The following CNTNAP2 variants were observed in gnomAD, a reference collection of about 807,000 sequenced individuals.
CNTNAP2 encodes the protein contactin-associated protein-like 2.
Under a neutral mutation model 155.2 loss-of-function variants are expected in CNTNAP2, and 98 were observed. The ratio of observed to expected loss-of-function variants is 0.63; its 90% CI spans 0.54 to 0.75. CNTNAP2 has a LOEUF of 0.75. Ranked by LOEUF, CNTNAP2 falls within the 30% of genes least tolerant of loss-of-function variation. The probability of loss-of-function intolerance (pLI) is 0.00; values close to 1 mark genes in which losing one functional copy is unlikely to be tolerated. For missense variants in CNTNAP2, 1,727 were observed against 1,688.1 expected (o/e 1.02, Z -0.40); for synonymous variants, 651 against 631.2 (o/e 1.03, Z -0.47).
intron 3 of CNTNAP2, among the ~76,000 whole-genome samples, chr7:146,937,027 C>A (rs1796930173): frequency 6.6e-6 from 1 of 152,170 alleles, no homozygotes; most frequent in South Asian, 2.1e-4. Context: ...ATAAAAGCTT[C>A]ATTTAATTTA....
intron 1 of CNTNAP2, among the ~76,000 whole-genome samples, chr7:146,740,167 T>G (rs1333318804): frequency 1.3e-5 from 2 of 152,028 alleles, no homozygotes; most frequent in Non-Finnish European, 2.9e-5. Context: ...TCTTCTGACT[T>G]TATATTTTCA....
intron 8 of CNTNAP2, among the ~76,000 whole-genome samples, chr7:147,275,684 G>T (rs1349683730): frequency 6.6e-6 from 1 of 152,034 alleles, no homozygotes; most frequent in Non-Finnish European, 1.5e-5. Context: ...GCCCTGGCAA[G>T]GACTTCTAGT....
intron 13 of CNTNAP2, among the ~76,000 whole-genome samples, chr7:147,772,017 T>A (rs1319595849): frequency 6.6e-6 from 1 of 152,096 alleles, no homozygotes; most frequent in Non-Finnish European, 1.5e-5. Context: ...ACAAAAAAAA[T>A]TTCAGTGAGA....
chr7:148,208,684 T>C (rs75080699), intron 18 of CNTNAP2, among the ~76,000 whole-genome samples: 2,381 of 152,118 alleles, frequency 0.016, 59 homozygotes, highest in African/African-American at 0.054. Context: ...GTGAATGGAG[T>C]TCAGGCCAAA....
intron 14 of CNTNAP2, among the ~76,000 whole-genome samples, chr7:147,908,901 T>A (rs1337864950): frequency 6.6e-6 from 1 of 152,174 alleles, no homozygotes; most frequent in African/African-American, 2.4e-5. Context: ...GTGATCTAAG[T>A]CAGGATATTT....
At position 147,667,784 on chromosome 7, in the gene CNTNAP2, GGCT is replaced by G. The variant is rs201751772; in HGVS notation, c.2098+28487_2098+28489del. 7.1e-3 allele frequency among the ~76,000 whole-genome samples: 1,051 copies of G among 148,142 alleles called. 8 individuals carry two copies. The highest frequency in any genetic ancestry group is 0.022 in the Middle Eastern group (6 of 270). On this transcript the variant is annotated intron_variant, in intron 13 of 23. Coordinates refer to ENST00000361727, the MANE Select transcript of CNTNAP2 (RefSeq NM_014141.6). Reference sequence around the variant, plus strand: ...ATTACCTGAGAAGGACTTTTACCCAGGCTGCTGCTGCAAAAAAAAAAAATAATA... The same window carrying G: ...ATTACCTGAGAAGGACTTTTACCCAGGCTGCTGCAAAAAAAAAAAATAATA...
chr7:146,747,506 T>G (rs1228714783), intron 1 of CNTNAP2, among the ~76,000 whole-genome samples: 1 of 152,196 alleles, frequency 6.6e-6, no homozygotes, highest in Non-Finnish European at 1.5e-5. Flanking sequence ...TTTGTCTGTT[T>G]TATAGTGAAA....
intron 13 of CNTNAP2, among the ~76,000 whole-genome samples, chr7:147,688,121 T>C (rs959586227): frequency 5.3e-5 from 8 of 152,034 alleles, no homozygotes; most frequent in African/African-American, 1.9e-4. Flanking sequence ...TTTCTATTCC[T>C]CTCTCTCTCT....
intron 20 of CNTNAP2, among the ~76,000 whole-genome samples, chr7:148,245,342 T>A (rs1294982994): frequency 6.6e-6 from 1 of 152,096 alleles, no homozygotes; most frequent in Non-Finnish European, 1.5e-5. Flanking sequence ...CCGACAGAGT[T>A]GTGTGCAATT....
In CNTNAP2 at chr7:146,755,906, C is replaced by T. The variant is rs185987157; in HGVS notation, c.98-18365C>T. Among the ~76,000 whole-genome samples, 78 of 151,930 alleles carry T rather than the reference C, an allele frequency of 5.1e-4. 1 individual carries two copies. Among genetic ancestry groups the T allele is most frequent in the Middle Eastern group, 3.4e-3 (1 of 294 alleles). On this transcript the variant is annotated intron_variant, in intron 1 of 23. Transcript: ENST00000361727. Reference sequence around the variant, plus strand: ...AATAACATATGTTTATTTGCCATATCGTTGTCCATTTTCTAAAATAGAATA... The same window carrying T: ...AATAACATATGTTTATTTGCCATATTGTTGTCCATTTTCTAAAATAGAATA...
chr7:146,620,936 T>C (rs887180526), intron 1 of CNTNAP2, among the ~76,000 whole-genome samples: 4 of 152,328 alleles, frequency 2.6e-5, no homozygotes, highest in South Asian at 2.1e-4. Flanking sequence ...CTTTTAACAA[T>C]TGGGAATTAT....
intron 9 of CNTNAP2, among the ~76,000 whole-genome samples, chr7:147,342,267 C>G (rs1053026576): frequency 6.6e-6 from 1 of 152,046 alleles, no homozygotes; most frequent in South Asian, 2.1e-4. Flanking sequence ...ATGGAACATG[C>G]AATATTTGCT....
At chr7:146,493,585 G>C (rs1250458812) in intron 1 of CNTNAP2, among the ~76,000 whole-genome samples, 1 of 152,006 alleles carries the variant, frequency 6.6e-6, no homozygotes, top group Non-Finnish European at 1.5e-5. Context: ...TTCTGGGACA[G>C]GTAAGGAAAA....
intron 2 of CNTNAP2, among the ~76,000 whole-genome samples, chr7:146,830,065 T>C (rs1437309854): frequency 1.3e-5 from 2 of 152,118 alleles, no homozygotes; most frequent in Admixed American, 1.3e-4. Flanking sequence ...TCTCCCAATC[T>C]ATAGTTAGCC....
At chr7:147,223,297 C>T (rs28368174) in intron 8 of CNTNAP2, among the ~76,000 whole-genome samples, 1 of 151,966 alleles carries the variant, frequency 6.6e-6, no homozygotes, top group Non-Finnish European at 1.5e-5. Context: ...GTGCACAAAT[C>T]TATAGTGAGA....
chr7:146,590,784 T>A (rs10808039), intron 1 of CNTNAP2, among the ~76,000 whole-genome samples: 126,237 of 152,192 alleles, frequency 0.83, 52,989 homozygotes, highest in African/African-American at 0.9. Flanking sequence ...ACAAATGGTA[T>A]CACACAGCAT....
intron 3 of CNTNAP2, among the ~76,000 whole-genome samples, chr7:146,902,412 A>G (rs1349622012): frequency 1.3e-5 from 2 of 152,236 alleles, no homozygotes; most frequent in African/African-American, 4.8e-5. Flanking sequence ...TACTTAAATA[A>G]CTGGAACTTA....
intron 15 of CNTNAP2, among the ~76,000 whole-genome samples, chr7:147,984,360 G>A (rs1801581585): frequency 6.6e-6 from 1 of 152,224 alleles, no homozygotes; most frequent in African/African-American, 2.4e-5. Context: ...TCGAGATGGA[G>A]TTGGTGCTTA....
intron 9 of CNTNAP2, among the ~76,000 whole-genome samples, chr7:147,303,062 A>G (rs925973863): frequency 6.6e-6 from 1 of 152,188 alleles, no homozygotes; most frequent in East Asian, 1.9e-4. Flanking sequence ...AATGACTGGC[A>G]CAGGATCACT....
Sources: allele counts gnomAD v4.1 joint callset (sites outside exome capture counted in the v4.1 genomes callset), GRCh38; gene constraint gnomAD v4.1.1; transcripts MANE v1.5; gene names NCBI Gene and HGNC (gene_info 2026-07-23, HGNC 2026-07-21).